The following DCC variants were observed in gnomAD, a reference collection of about 807,000 sequenced individuals.
The protein encoded by DCC is DCC netrin 1 receptor.
Under a neutral mutation model 172.5 loss-of-function variants are expected in DCC, and 58 were observed. That is an observed-to-expected ratio of 0.34 (90% CI 0.27 to 0.42). The LOEUF is 0.42. Ranked by LOEUF, DCC falls within the 10% of genes least tolerant of loss-of-function variation. The pLI is 1.00. For missense variants in DCC, 1,740 were observed against 1,791.0 expected (o/e 0.97, Z 0.51); for synonymous variants, 709 against 644.5 (o/e 1.10, Z -1.52).
chr18:53,148,571 G>A (rs529767411), intron 7 of DCC, among the ~76,000 whole-genome samples: 1 of 152,204 alleles, frequency 6.6e-6, no homozygotes, highest in East Asian at 1.9e-4. Flanking sequence ...GATGATTAAA[G>A]GTGGCCTCAC....
rs542831703 is a variant in DCC, at chr18:53,041,985, A to G, written c.986-21320A>G. Among the ~76,000 whole-genome samples, 4 of 152,134 alleles carry G rather than the reference A, an allele frequency of 2.6e-5. No individual in the cohort carries two copies. The East Asian group carries it at 5.8e-4, about 22-fold the overall frequency. On this transcript the variant is annotated intron_variant, in intron 5 of 28. Transcript: ENST00000442544. ...ATTTGACTCCTCTCTTCCTACTTAT[A>G]TACCCTTTATTTCTTTTTCTTGCCA...
chr18:52,348,532 C>G (rs898387963), intron 1 of DCC, among the ~76,000 whole-genome samples: 2 of 152,170 alleles, frequency 1.3e-5, no homozygotes, highest in African/African-American at 2.4e-5. Context: ...TCGCATTTTC[C>G]TGATTGCTTA....
At chr18:52,725,768 G>A (rs1431333673) in intron 1 of DCC, among the ~76,000 whole-genome samples, 2 of 152,140 alleles carry the variant, frequency 1.3e-5, no homozygotes, top group African/African-American at 4.8e-5. Context: ...GACTGGATAA[G>A]GCAATTGAGA....
chr18:53,085,199 A>G (rs933859444), intron 7 of DCC, among the ~76,000 whole-genome samples: 2 of 152,232 alleles, frequency 1.3e-5, no homozygotes, highest in East Asian at 1.9e-4. Flanking sequence ...TGTGCATTCA[A>G]TAGCTTTTGC....
chr18:52,944,092 G>A (rs1182988117), intron 5 of DCC, among the ~76,000 whole-genome samples: 1 of 152,092 alleles, frequency 6.6e-6, no homozygotes, highest in Admixed American at 6.5e-5. Flanking sequence ...ATCAAAGTTT[G>A]ACAACTAACT....
chr18:52,872,454 C>T (rs2039335958), intron 2 of DCC, among the ~76,000 whole-genome samples: 3 of 151,862 alleles, frequency 2.0e-5, no homozygotes, highest in Admixed American at 1.3e-4. Context: ...CTACGAATGC[C>T]GATCTACCCC....
At chr18:52,853,560 T>A (rs184441891) in intron 2 of DCC, among the ~76,000 whole-genome samples, 38 of 152,240 alleles carry the variant, frequency 2.5e-4, no homozygotes, top group Non-Finnish European at 4.3e-4. Flanking sequence ...AGAGGTGAGG[T>A]TGGGAGGTCT....
chr18:52,877,196 C>T (rs918629606), intron 2 of DCC, among the ~76,000 whole-genome samples: 2 of 152,162 alleles, frequency 1.3e-5, no homozygotes, highest in Admixed American at 6.5e-5. Flanking sequence ...TGTGGTAGAC[C>T]ATCTTGTGCA....
intron 7 of DCC, among the ~76,000 whole-genome samples, chr18:53,144,896 G>C (rs2043882701): frequency 6.6e-6 from 1 of 151,956 alleles, no homozygotes. Flanking sequence ...TCAGGAACAG[G>C]AGATAATATA....
intron 15 of DCC, among the ~76,000 whole-genome samples, chr18:53,372,639 A>T (rs1024302293): frequency 1.5e-4 from 23 of 152,146 alleles, no homozygotes; most frequent in African/African-American, 5.5e-4. Flanking sequence ...TGTATTAAAT[A>T]AAAGTGATAT....
At chr18:53,312,153 CAAAAAAAAAAAAAAA>C (rs895203731) in intron 13 of DCC, among the ~76,000 whole-genome samples, 1 of 26,734 alleles carries the variant, frequency 3.7e-5, no homozygotes, top group African/African-American at 1.7e-4. Flanking sequence ...GCTAAAAATA[CAAAAAAAAAAAAAAA>C]AAAAAAAAAG....
intron 2 of DCC, among the ~76,000 whole-genome samples, chr18:52,774,857 G>A (rs1247667037): frequency 1.3e-5 from 2 of 152,146 alleles, no homozygotes; most frequent in Non-Finnish European, 2.9e-5. Context: ...TTACACCTTC[G>A]GCAGCTGAGC....
chr18:52,835,228 GA>G (rs1008526246), intron 2 of DCC, among the ~76,000 whole-genome samples: 1 of 152,140 alleles, frequency 6.6e-6, no homozygotes, highest in Non-Finnish European at 1.5e-5. Context: ...AATCCTGAAA[GA>G]AATTTCTGGG....
At position 53,534,987 on chromosome 18, in the gene DCC, A is replaced by T. The variant is rs1372863955; in HGVS notation, c.*4334A>T. The T allele has an allele frequency of 6.6e-6, 1 of 152,258 alleles. No homozygotes were observed. Among genetic ancestry groups the T allele is most frequent in the Non-Finnish European group, 1.5e-5 (1 of 68,048 alleles). The allele number at this position is 152,258 out of a possible 1,614,324, so 9.4% of individuals were successfully genotyped here. On this transcript the variant is annotated 3_prime_UTR_variant, in exon 29 of 29. Transcript: ENST00000442544. The stretch of plus-strand genomic sequence containing the variant: ...AGAAGAGCAAGAGCAAAACTCTGCA[A>T]GATTTAATAAACACAGGGGCATGGG...
chr18:52,906,348 T>A lies in DCC; in HGVS notation c.697+20T>A. 6.2e-7 allele frequency: 1 copy of A among 1,612,962 alleles called. No homozygotes were observed. The highest frequency in any genetic ancestry group is 1.3e-5 in the African/African-American group (1 of 75,054). On this transcript the variant is annotated intron_variant, in intron 3 of 28. Transcript: ENST00000442544. Reference sequence around the variant, plus strand: ...TATCAGGTATTGCAATGCTCTTTGTTGCCTTCAGAATGATATTCTCTGGAA... The same window carrying A: ...TATCAGGTATTGCAATGCTCTTTGTAGCCTTCAGAATGATATTCTCTGGAA...
intron 8 of DCC, among the ~76,000 whole-genome samples, chr18:53,174,618 TA>T (rs1171698480): frequency 2.9e-4 from 43 of 150,788 alleles, no homozygotes; most frequent in Non-Finnish European, 4.9e-4. Flanking sequence ...CTCCCAAGAC[TA>T]AACCAGGAAG....
At chr18:53,130,318 C>T (rs1040606339) in intron 7 of DCC, among the ~76,000 whole-genome samples, 1 of 152,000 alleles carries the variant, frequency 6.6e-6, no homozygotes, top group Non-Finnish European at 1.5e-5. Context: ...CTCAGATTTC[C>T]CAGAGAAAAA....
intron 1 of DCC, among the ~76,000 whole-genome samples, chr18:52,531,601 G>T (rs139209451): frequency 6.6e-6 from 1 of 152,084 alleles, no homozygotes; most frequent in Non-Finnish European, 1.5e-5. Flanking sequence ...CTCTGTGTGT[G>T]TGTGTCTGAT....
At chr18:52,775,467 C>G (rs1239641589) in intron 2 of DCC, among the ~76,000 whole-genome samples, 1 of 152,174 alleles carries the variant, frequency 6.6e-6, no homozygotes, top group Non-Finnish European at 1.5e-5. Context: ...ATAATCAGAT[C>G]ACACGTGAGC....
Sources: allele counts gnomAD v4.1 joint callset (sites outside exome capture counted in the v4.1 genomes callset), GRCh38; gene constraint gnomAD v4.1.1; transcripts MANE v1.5; gene names NCBI Gene and HGNC (gene_info 2026-07-23, HGNC 2026-07-21).